The following ANK2 variants were observed in gnomAD, a reference collection of about 807,000 sequenced individuals.
The protein encoded by ANK2 is ankyrin 2, also known as ankyrin-2.
In ANK2, 83 loss-of-function variants were observed where a neutral mutation model predicts 360.5. The ratio of observed to expected loss-of-function variants is 0.23; its 90% CI spans 0.19 to 0.28. The LOEUF (loss-of-function observed/expected upper bound fraction) is 0.28. ANK2 is among the 10% of genes least tolerant of loss of function. ANK2 has a pLI of 1.00. For missense variants in ANK2, 4,201 were observed against 4,795.7 expected (o/e 0.88, Z 3.66); for synonymous variants, 1,740 against 1,759.5 (o/e 0.99, Z 0.28).
intron 18 of ANK2, among the ~76,000 whole-genome samples, chr4:113,287,276 C>A (rs1209486631): frequency 6.6e-6 from 1 of 152,102 alleles, no homozygotes; most frequent in Non-Finnish European, 1.5e-5. Context: ...GTTGATACAG[C>A]GGGACATCCA....
At chr4:113,050,239 A>T (rs1209215333) in intron 1 of ANK2, among the ~76,000 whole-genome samples, 1 of 152,224 alleles carries the variant, frequency 6.6e-6, no homozygotes, top group Non-Finnish European at 1.5e-5. Context: ...AGATGGCTAG[A>T]CAGCAAAAGC....
intron 1 of ANK2, among the ~76,000 whole-genome samples, chr4:112,828,826 A>G (rs1026340287): frequency 1.3e-5 from 2 of 152,222 alleles, no homozygotes; most frequent in African/African-American, 4.8e-5. Context: ...TCTATAAGGC[A>G]CTTAAAGCAA....
At chr4:113,053,831 C>T (rs532953904) in intron 1 of ANK2, among the ~76,000 whole-genome samples, 1 of 152,298 alleles carries the variant, frequency 6.6e-6, no homozygotes, top group African/African-American at 2.4e-5. Context: ...CTCCTGGTCT[C>T]AAGCAATTCT....
At chr4:112,770,357 G>A in the ANK2 span, among the ~76,000 whole-genome samples, 2 of 152,120 alleles carry the variant, frequency 1.3e-5, no homozygotes, top group Non-Finnish European at 2.9e-5. Flanking sequence ...TCCCTTCATT[G>A]TTTTGTTTTA....
chr4:113,314,183 G>A (rs1435537925), intron 24 of ANK2, among the ~76,000 whole-genome samples: 1 of 152,084 alleles, frequency 6.6e-6, no homozygotes, highest in African/African-American at 2.4e-5. Context: ...TTATTTTATT[G>A]TAGCTTACAA....
the ANK2 span, among the ~76,000 whole-genome samples, chr4:112,794,494 C>T: frequency 6.6e-6 from 1 of 152,102 alleles, no homozygotes. Flanking sequence ...CCTGGAAAAG[C>T]AATTTAGGTA....
intron 4 of ANK2, among the ~76,000 whole-genome samples, chr4:113,208,483 G>A (rs1329671212): frequency 1.3e-5 from 2 of 151,834 alleles, no homozygotes; most frequent in Admixed American, 1.3e-4. Context: ...AGTGCATAAA[G>A]ACAAAGATTT....
At chr4:112,998,230 C>T (rs1220573098) in intron 2 of ANK2, among the ~76,000 whole-genome samples, 1 of 151,916 alleles carries the variant, frequency 6.6e-6, no homozygotes, top group Non-Finnish European at 1.5e-5. Context: ...GGCAAATGGA[C>T]TCTTTCAAGC....
chr4:112,806,296 T>C, the ANK2 span, among the ~76,000 whole-genome samples: 1 of 152,166 alleles, frequency 6.6e-6, no homozygotes, highest in African/African-American at 2.4e-5. Flanking sequence ...AATGAGAACA[T>C]GTGAAATTTG....
At chr4:113,137,504 A>G (rs1239484082) in intron 1 of ANK2, among the ~76,000 whole-genome samples, 2 of 152,244 alleles carry the variant, frequency 1.3e-5, no homozygotes, top group Non-Finnish European at 2.9e-5. Context: ...GCATGTTTAA[A>G]TACTAAGGAA....
intron 3 of ANK2, among the ~76,000 whole-genome samples, chr4:113,198,294 G>A (rs988012483): frequency 6.6e-6 from 1 of 152,046 alleles, no homozygotes; most frequent in African/African-American, 2.4e-5. Flanking sequence ...GAGACAGAAA[G>A]AGAACTAGAG....
intron 1 of ANK2, among the ~76,000 whole-genome samples, chr4:113,152,785 C>T (rs1424396378): frequency 2.0e-5 from 3 of 151,824 alleles, no homozygotes; most frequent in East Asian, 3.9e-4. Context: ...CCTGTGGACC[C>T]AGCTATTTGG....
intron 2 of ANK2, among the ~76,000 whole-genome samples, chr4:113,010,046 G>A (rs557236032): frequency 1.4e-4 from 22 of 152,172 alleles, no homozygotes; most frequent in South Asian, 6.2e-4. Context: ...GGCAAAAGGT[G>A]AAAAAATTGA....
intron 1 of ANK2, among the ~76,000 whole-genome samples, chr4:113,082,674 T>C (rs2082884303): frequency 6.6e-6 from 1 of 152,210 alleles, no homozygotes; most frequent in Non-Finnish European, 1.5e-5. Flanking sequence ...AGTATCCCTC[T>C]ATTGTGGATA....
At chr4:113,015,651 G>A (rs1198853053) in intron 2 of ANK2, among the ~76,000 whole-genome samples, 2 of 152,128 alleles carry the variant, frequency 1.3e-5, no homozygotes, top group African/African-American at 2.4e-5. Flanking sequence ...TGCAAACTTC[G>A]TGGTCTAATG....
chr4:112,829,464 G>A (rs1342214679), intron 1 of ANK2, among the ~76,000 whole-genome samples: 4 of 111,410 alleles, frequency 3.6e-5, no homozygotes, highest in African/African-American at 1.6e-4. Context: ...AGACTAGCCT[G>A]GGCAACATAG....
the ANK2 span, chr4:112,788,535 G>C: frequency 1.3e-6 from 2 of 1,577,258 alleles, no homozygotes; most frequent in Non-Finnish European, 1.7e-6. Context: ...TTCTCGGCCT[G>C]GGCCAACAGC....
chr4:113,247,640 G>C (rs1488602879), intron 9 of ANK2, among the ~76,000 whole-genome samples: 3 of 152,040 alleles, frequency 2.0e-5, no homozygotes, highest in Admixed American at 1.3e-4. Context: ...TTCAAACAAG[G>C]CTTGCAAGTT....
At chr4:113,348,173 G>A in intron 35 of ANK2, 103 bp from the exon 36 acceptor site, 1 of 1,152,788 alleles carries the variant, frequency 8.7e-7, no homozygotes, top group Non-Finnish European at 1.3e-6. Flanking sequence ...GCCTGTTGAT[G>A]CTTGTTGAAA....
Sources: gnomAD v4.1 joint callset for allele counts (sites outside exome capture counted in the v4.1 genomes callset) on GRCh38, gnomAD v4.1.1 for gene constraint, MANE v1.5 for transcripts, NCBI Gene and HGNC (gene_info 2026-07-23, HGNC 2026-07-21) for gene names.